OR7D2: variants seen among roughly 807,000 people sequenced by gnomAD.
The protein encoded by OR7D2 is olfactory receptor family 7 subfamily D member 2, also known as olfactory receptor 7D2.
For synonymous variants in OR7D2, 158 were observed against 158.7 expected (o/e 1.00, Z 0.03); for missense variants, 370 against 384.1 (o/e 0.96, Z 0.31).
rs538205131 is a variant in OR7D2 at position 9,185,262 on chromosome 19, T to C, written c.-13-507T>C. Among the ~76,000 whole-genome samples the C allele has an allele frequency of 9.1e-4, 139 of 152,248 alleles. 3 individuals carry two copies. The highest frequency in any genetic ancestry group is 3.4e-3 in the Middle Eastern group (1 of 292). On this transcript the variant is annotated intron_variant, in intron 2 of 2. Coordinates refer to ENST00000641288, the MANE Select transcript of OR7D2 (RefSeq NM_175883.4). ...TTTCACTACAGTAACCATTTTACTA[T>C]CTATATGTATCTCATAACATATATA...
chr19:9,185,973 C>G lies in OR7D2; in HGVS notation c.192C>G (p.Ser64=). The G allele has an allele frequency of 6.2e-7, 1 of 1,614,146 alleles. No homozygotes were observed. The highest frequency in any genetic ancestry group is 8.5e-7 in the Non-Finnish European group (1 of 1,180,014). Residue 64 remains serine (S), a synonymous_variant, in exon 3 of 3, where the codon TCC becomes TCG. Coordinates refer to ENST00000641288, the MANE Select transcript of OR7D2 (RefSeq NM_175883.4). ...HLHTPMYFFL[S]NLSWVDICFS... is the part of the protein sequence containing the mutation. ...ACACCCCCATGTACTTCTTCCTCTC[C>G]AACCTGTCCTGGGTTGACATCTGTT...
intron 2 of OR7D2, among the ~76,000 whole-genome samples, chr19:9,181,317 T>A (rs2050987967): frequency 6.6e-6 from 1 of 151,066 alleles, no homozygotes; most frequent in African/African-American, 2.4e-5. Context: ...TTTATTTTTT[T>A]ATTTCTTCTC....
At chr19:9,182,114 A>G (rs2050993850) in intron 2 of OR7D2, among the ~76,000 whole-genome samples, 1 of 152,150 alleles carries the variant, frequency 6.6e-6, no homozygotes, top group Admixed American at 6.6e-5. Context: ...ATTGTTTATT[A>G]TTATTATTCT....
intron 1 of OR7D2, among the ~76,000 whole-genome samples, chr19:9,180,077 A>C (rs2050979492): frequency 6.6e-6 from 1 of 151,954 alleles, no homozygotes; most frequent in African/African-American, 2.4e-5. Flanking sequence ...ACCAGATGTT[A>C]CATATATTAT....
intron 2 of OR7D2, among the ~76,000 whole-genome samples, chr19:9,183,829 C>T (rs1431242137): frequency 5.4e-5 from 8 of 148,562 alleles, no homozygotes; most frequent in Non-Finnish European, 1.0e-4. Context: ...AGGTGGCGGG[C>T]GCCTGTAGTC....
Position 9,185,826 on chromosome 19 carries a change from C to T in OR7D2, c.45C>T (p.Leu15=), listed in dbSNP as rs150414928. 95 of 1,604,750 alleles carry T rather than the reference C, an allele frequency of 5.9e-5. No homozygotes were observed. The highest frequency in any genetic ancestry group is 7.0e-5 in the Non-Finnish European group (82 of 1,175,656). ...NQTGFLEFIL[L]GLSEDPELQP... ...CAGGATTTTTAGAGTTTATCCTTCT[C>T]GGACTCTCTGAGGATCCAGAACTAC... is the stretch of plus-strand genomic sequence containing the variant. The change falls in exon 3 of 3, where the codon CTC becomes CTT. Residue 15 remains leucine (L), a synonymous_variant. Coordinates refer to ENST00000641288, the MANE Select transcript of OR7D2 (RefSeq NM_175883.4).
intron 2 of OR7D2, among the ~76,000 whole-genome samples, chr19:9,184,785 ATGTG>A (rs886416149): frequency 4.1e-4 from 63 of 152,184 alleles, no homozygotes; most frequent in African/African-American, 1.4e-3. Flanking sequence ...ATATATATGT[ATGTG>A]TATGTGTGTG....
rs1192042937 is a variant in OR7D2, at chr19:9,185,709, G to A, written c.-13-60G>A. 14 of 1,041,570 alleles carry A rather than the reference G, an allele frequency of 1.3e-5. 1 individual carries two copies. The highest frequency in any genetic ancestry group is 2.1e-4 in the Middle Eastern group (1 of 4,662). The allele number at this position is 1,041,570 out of a possible 1,614,324, so 64.5% of individuals were successfully genotyped here. The stretch of plus-strand genomic sequence containing the variant: ...AGTGATCCTTCCATCTCAGCCTCCC[G>A]AGTAGCTGGGACTACAGGTGTCCAC... On this transcript the variant is annotated intron_variant, in intron 2 of 2. Coordinates refer to ENST00000641288, the MANE Select transcript of OR7D2 (RefSeq NM_175883.4).
intron 2 of OR7D2, 110 bp downstream of exon 2, chr19:9,180,898 G>T (rs2050984953): frequency 6.6e-6 from 1 of 152,100 alleles, no homozygotes; most frequent in African/African-American, 2.4e-5. Flanking sequence ...GCTGAGGCGG[G>T]TGGATCACCT....
chr19:9,179,096 A>T lies in OR7D2; in HGVS notation c.-132A>T, dbSNP rs986024599. The T allele has an allele frequency of 2.2e-5, 3 of 136,392 alleles. No homozygotes were observed. Among genetic ancestry groups the T allele is most frequent in the African/African-American group, 8.5e-5 (3 of 35,286 alleles). The allele number at this position is 136,392 out of a possible 1,614,324, so 8.4% of individuals were successfully genotyped here. ...TCAACAGTCAGGGGAGGAAGACGTCATACCAGCATTTTTTTTTTTCAAGCA... is the reference window on the plus strand; with the variant it reads ...TCAACAGTCAGGGGAGGAAGACGTCTTACCAGCATTTTTTTTTTTCAAGCA... On this transcript the variant is annotated 5_prime_UTR_variant, in exon 1 of 3. Coordinates refer to ENST00000641288, the MANE Select transcript of OR7D2 (RefSeq NM_175883.4).
intron 2 of OR7D2, among the ~76,000 whole-genome samples, chr19:9,184,948 A>G (rs550004018): frequency 1.3e-4 from 20 of 151,934 alleles, no homozygotes; most frequent in Non-Finnish European, 2.1e-4. Context: ...AAAATATTGC[A>G]TTTTTTCACT....
At position 9,186,824 on chromosome 19, in the gene OR7D2, T is replaced by G; in HGVS notation, c.*104T>G. ...TAAAATTAAAAACATTTTTTTATAC[T>G]TTGAGAGTACAAATGCAGATTTCTT... On this transcript the variant is annotated 3_prime_UTR_variant, in exon 3 of 3. Coordinates refer to ENST00000641288, the MANE Select transcript of OR7D2 (RefSeq NM_175883.4). 1 of 802,900 alleles carries G rather than the reference T, an allele frequency of 1.2e-6. No homozygotes were observed. The allele number at this position is 802,900 out of a possible 1,614,324, so 49.7% of individuals were successfully genotyped here.
In OR7D2 at chr19:9,185,992, A is replaced by T. The variant is rs1335796205; in HGVS notation, c.211A>T (p.Ile71Phe). The part of the protein sequence containing the change: ...FFLSNLSWVD[I>F]CFSTCIVPKM... ...CCTCTCCAACCTGTCCTGGGTTGAC[A>T]TCTGTTTCAGCACTTGCATCGTCCC... is the stretch of plus-strand genomic sequence containing the variant. The change falls in exon 3 of 3, where the codon ATC becomes TTC. Residue 71 changes from isoleucine (I) to phenylalanine (F), a missense_variant. Coordinates refer to ENST00000641288, the MANE Select transcript of OR7D2 (RefSeq NM_175883.4). 1.9e-6 allele frequency: 3 copies of T among 1,614,100 alleles called. No individual in the cohort carries two copies. Among genetic ancestry groups the T allele is most frequent in the Non-Finnish European group, 2.5e-6 (3 of 1,180,014 alleles).
At chr19:9,179,494 C>G (rs1183835805) in intron 1 of OR7D2, among the ~76,000 whole-genome samples, 1 of 151,114 alleles carries the variant, frequency 6.6e-6, no homozygotes. Context: ...GAGCCAAGAT[C>G]ACGCCACTGC....
Position 9,186,458 on chromosome 19 carries a change from G to C in OR7D2, c.677G>C (p.Arg226Thr), listed in dbSNP as rs1436255014. 6.2e-7 allele frequency: 1 copy of C among 1,614,130 alleles called. No homozygotes were observed. Among genetic ancestry groups the C allele is most frequent in the Non-Finnish European group, 8.5e-7 (1 of 1,180,032 alleles). ...TATTCACGAATTGCTTCATCCATAA[G>C]GAAGATGTCCTCATCTGGGGGAAAA... ...FSYSRIASSI[R>T]KMSSSGGKQK... The change falls in exon 3 of 3, where the codon AGG becomes ACG. Residue 226 changes from arginine (R) to threonine (T), a missense_variant. By Grantham distance (71) the Arg-to-Thr change is moderately conservative. Coordinates refer to ENST00000641288, the MANE Select transcript of OR7D2 (RefSeq NM_175883.4).
At chr19:9,179,760 C>T (rs1003226674) in intron 1 of OR7D2, among the ~76,000 whole-genome samples, 2 of 151,966 alleles carry the variant, frequency 1.3e-5, no homozygotes, top group Non-Finnish European at 2.9e-5. Context: ...AATCCCAGAA[C>T]TTTAGGAGGC....
In OR7D2 at chr19:9,188,247, CCACCCAGCTA is replaced by C; in HGVS notation, c.*1528_*1537del. ...GCTGGGACTACAGGCACCTGCCACCCCACCCAGCTAATTCTTCTATTTTTAGTAGAGACAG... is the reference window on the plus strand; with the variant it reads ...GCTGGGACTACAGGCACCTGCCACCCATTCTTCTATTTTTAGTAGAGACAG... On this transcript the variant is annotated 3_prime_UTR_variant, in exon 3 of 3. Transcript: ENST00000641288. 1 of 152,180 alleles carries C rather than the reference CCACCCAGCTA, an allele frequency of 6.6e-6. No individual in the cohort carries two copies. Among genetic ancestry groups the C allele is most frequent in the East Asian group, 1.9e-4 (1 of 5,156 alleles). The allele number at this position is 152,180 out of a possible 1,614,324, so 9.4% of individuals were successfully genotyped here. A position where few individuals can be genotyped will look rare whatever the true frequency, so the allele number is the denominator to read the frequency against.
rs2145985028 is a variant in OR7D2, at chr19:9,187,150, CCTT to C, written c.*431_*433del. The C allele has an allele frequency of 1.2e-5, 2 of 167,454 alleles. No individual in the cohort carries two copies. Among genetic ancestry groups the C allele is most frequent in the East Asian group, 3.8e-4 (2 of 5,240 alleles). 10.4% of individuals were successfully genotyped at this position (167,454 alleles called of 1,614,324 possible). On this transcript the variant is annotated 3_prime_UTR_variant, in exon 3 of 3. Coordinates refer to ENST00000641288, the MANE Select transcript of OR7D2 (RefSeq NM_175883.4). Reference sequence around the variant, plus strand: ...AACTCCTGACCTTGTGATCCACCTGCCTTGGCCTCTCAAAGTGCTGGGATTACA... The same window carrying C: ...AACTCCTGACCTTGTGATCCACCTGCGGCCTCTCAAAGTGCTGGGATTACA...
At chr19:9,185,383 G>C (rs998682128) in intron 2 of OR7D2, among the ~76,000 whole-genome samples, 1 of 151,440 alleles carries the variant, frequency 6.6e-6, no homozygotes, top group South Asian at 2.1e-4. Flanking sequence ...TTCCATTTAC[G>C]TATGAAAGAT....
Sources: gnomAD v4.1 joint callset for allele counts (sites outside exome capture counted in the v4.1 genomes callset) on GRCh38, gnomAD v4.1.1 for gene constraint, MANE v1.5 for transcripts, NCBI Gene and HGNC (gene_info 2026-07-23, HGNC 2026-07-21) for gene names.